Variants in PARD3 observed in about 807,000 individuals in gnomAD.
PARD3 encodes the protein par-3 family cell polarity regulator.
In PARD3, 75 loss-of-function variants were observed where a neutral mutation model predicts 155.4. The observed-to-expected ratio is 0.48, with a 90% CI of 0.40 to 0.58. The LOEUF (loss-of-function observed/expected upper bound fraction) is 0.58, where lower values mean the gene tolerates loss of function less well. Ranked by LOEUF, PARD3 falls within the 20% of genes least tolerant of loss-of-function variation. The probability of loss-of-function intolerance (pLI) is 0.00; values close to 1 mark genes in which losing one functional copy is unlikely to be tolerated. For synonymous variants in PARD3, 576 were observed against 610.5 expected, an observed-to-expected ratio of 0.94 and a Z score of 0.83; for missense variants, 1,642 against 1,721.7, an observed-to-expected ratio of 0.95 and a Z score of 0.82.
chr10:34,619,361 A>G (rs1015584554), intron 2 of PARD3, among the ~76,000 whole-genome samples: 2 of 152,010 alleles, frequency 1.3e-5, no homozygotes, highest in African/African-American at 4.8e-5. Flanking sequence ...ACAGTCCCAT[A>G]AAGTCTTTAC....
At chr10:34,805,904 G>A (rs1446060643) in intron 1 of PARD3, among the ~76,000 whole-genome samples, 2 of 151,958 alleles carry the variant, frequency 1.3e-5, no homozygotes, top group Non-Finnish European at 2.9e-5. Context: ...GTGAACCTAG[G>A]AGGTGGAGCT....
chr10:34,788,543 G>A (rs1056267947), intron 1 of PARD3, among the ~76,000 whole-genome samples: 1 of 151,542 alleles, frequency 6.6e-6, no homozygotes, highest in Non-Finnish European at 1.5e-5. Flanking sequence ...TCCGCCTCCT[G>A]GGTTCAAGTG....
intron 1 of PARD3, among the ~76,000 whole-genome samples, chr10:34,757,767 A>G (rs191378190): frequency 1.3e-5 from 2 of 152,294 alleles, no homozygotes; most frequent in South Asian, 2.1e-4. Context: ...ACTCATGCCA[A>G]CTAGGACCAT....
intron 5 of PARD3, among the ~76,000 whole-genome samples, chr10:34,438,277 C>T (rs576405716): frequency 6.6e-6 from 1 of 152,304 alleles, no homozygotes; most frequent in South Asian, 2.1e-4. Context: ...AGGAACATTG[C>T]ATTACTTTGA....
chr10:34,726,786 G>A (rs913282808), intron 1 of PARD3, among the ~76,000 whole-genome samples: 5 of 151,794 alleles, frequency 3.3e-5, no homozygotes, highest in East Asian at 1.9e-4. Context: ...GGGGGGAGGC[G>A]GGAGCGGGGG....
intron 21 of PARD3, among the ~76,000 whole-genome samples, chr10:34,276,994 G>C (rs1955916171): frequency 6.6e-6 from 1 of 152,140 alleles, no homozygotes; most frequent in Admixed American, 6.5e-5. Context: ...CTACATATCA[G>C]ATAGTTGTTG....
chr10:34,520,410 T>A (rs112521797), intron 2 of PARD3, among the ~76,000 whole-genome samples: 1,933 of 151,900 alleles, frequency 0.013, 39 homozygotes, highest in African/African-American at 0.044. Context: ...ACAACATAAA[T>A]CAGAAAAGAA....
At chr10:34,339,939 T>C (rs995167338) in intron 16 of PARD3, among the ~76,000 whole-genome samples, 7 of 152,222 alleles carry the variant, frequency 4.6e-5, no homozygotes, top group African/African-American at 1.7e-4. Flanking sequence ...CTAATGTTAT[T>C]AAAATTCCAG....
chr10:34,762,290 CAGAGAGAGAG>C (rs112792993), intron 1 of PARD3, among the ~76,000 whole-genome samples: 2 of 145,398 alleles, frequency 1.4e-5, no homozygotes, highest in South Asian at 2.3e-4. Context: ...GACAGAGAGA[CAGAGAGAGAG>C]AGAGAGAGAG....
At chr10:34,277,879 A>C (rs1955964816) in intron 21 of PARD3, among the ~76,000 whole-genome samples, 1 of 152,130 alleles carries the variant, frequency 6.6e-6, no homozygotes, top group African/African-American at 2.4e-5. Flanking sequence ...GAGAGACTGA[A>C]AGTGAGGGTA....
intron 22 of PARD3, among the ~76,000 whole-genome samples, 199 bp from the exon 23 acceptor site, chr10:34,131,782 A>G (rs544020480): frequency 6.6e-6 from 1 of 152,062 alleles, no homozygotes; most frequent in Non-Finnish European, 1.5e-5. Flanking sequence ...TTAGACAGAT[A>G]TTTGAGAGGG....
chr10:34,232,158 G>A (rs911915577), intron 22 of PARD3, among the ~76,000 whole-genome samples: 3 of 152,202 alleles, frequency 2.0e-5, no homozygotes, highest in Non-Finnish European at 2.9e-5. Context: ...CAGATACCAC[G>A]TCTTATAGGT....
chr10:34,271,374 C>A (rs1252569338), intron 21 of PARD3, among the ~76,000 whole-genome samples: 1 of 152,062 alleles, frequency 6.6e-6, no homozygotes, highest in African/African-American at 2.4e-5. Context: ...ATGGTGTTTA[C>A]TGCAAAAATT....
At chr10:34,431,338 A>G (rs1017517344) in intron 5 of PARD3, among the ~76,000 whole-genome samples, 1 of 152,234 alleles carries the variant, frequency 6.6e-6, no homozygotes, top group Non-Finnish European at 1.5e-5. Context: ...GTCAGAAGGA[A>G]CAGAATTGAT....
intron 2 of PARD3, among the ~76,000 whole-genome samples, chr10:34,541,138 G>A (rs992789228): frequency 5.3e-5 from 8 of 152,092 alleles, no homozygotes; most frequent in South Asian, 2.1e-4. Context: ...ACAAAGCCAC[G>A]TTTCTTTTCC....
intron 22 of PARD3, among the ~76,000 whole-genome samples, chr10:34,213,315 T>C (rs910932591): frequency 6.6e-6 from 1 of 152,102 alleles, no homozygotes; most frequent in Non-Finnish European, 1.5e-5. Flanking sequence ...TGGGAACTAA[T>C]CCACTCCCAC....
intron 2 of PARD3, among the ~76,000 whole-genome samples, chr10:34,602,744 C>T (rs891818211): frequency 7.2e-5 from 11 of 152,246 alleles, no homozygotes; most frequent in Middle Eastern, 3.4e-3. Flanking sequence ...AGGCCACAGG[C>T]GAGCCTTCTG....
chr10:34,281,359 T>C (rs1208111244), intron 21 of PARD3, among the ~76,000 whole-genome samples: 2 of 152,120 alleles, frequency 1.3e-5, no homozygotes, highest in African/African-American at 2.4e-5. Context: ...TGCTCCAGAA[T>C]GAGAAGTCAA....
chr10:34,112,137 T>A (rs556152685), intron 24 of PARD3, among the ~76,000 whole-genome samples: 1 of 152,360 alleles, frequency 6.6e-6, no homozygotes, highest in South Asian at 2.1e-4. Context: ...CTTAAAGCTC[T>A]GGCTTTCAAG....
Sources: gnomAD v4.1 joint callset for allele counts (sites outside exome capture counted in the v4.1 genomes callset) on GRCh38, gnomAD v4.1.1 for gene constraint, MANE v1.5 for transcripts, NCBI Gene and HGNC (gene_info 2026-07-23, HGNC 2026-07-21) for gene names.